The following PIK3C2A variants were observed in gnomAD, a reference collection of about 807,000 sequenced individuals.
PIK3C2A encodes phosphatidylinositol-4-phosphate 3-kinase catalytic subunit type 2 alpha.
PIK3C2A carries 97 observed loss-of-function variants against 204.5 expected under a neutral mutation model. The observed-to-expected ratio is 0.47, with a 90% confidence interval of 0.40 to 0.56. The LOEUF (loss-of-function observed/expected upper bound fraction) is 0.56, where lower values mean the gene tolerates loss of function less well. Among genes scored for constraint, PIK3C2A ranks in the 20% least tolerant of loss-of-function variants. The pLI, the probability that PIK3C2A is intolerant of heterozygous loss-of-function variation, is 0.00. For synonymous variants in PIK3C2A, 653 were observed against 664.4 expected, an observed-to-expected ratio of 0.98 and a Z score of 0.26; for missense variants, 1,735 against 1,969.2, an observed-to-expected ratio of 0.88 and a Z score of 2.25.
chr11:17,184,089 C>A (rs1851663823), intron 1 of PIK3C2A, among the ~76,000 whole-genome samples: 1 of 151,856 alleles, frequency 6.6e-6, no homozygotes, highest in Non-Finnish European at 1.5e-5. Flanking sequence ...GCCACTGTAC[C>A]TCTTGCCTGA....
At chr11:17,107,238 A>G (rs1031772194) in intron 22 of PIK3C2A, among the ~76,000 whole-genome samples, 9 of 152,166 alleles carry the variant, frequency 5.9e-5, no homozygotes, top group Non-Finnish European at 7.4e-5. Context: ...GCATGAACCC[A>G]GGAGGCGGAG....
Position 17,136,350 on chromosome 11 carries a change from C to G in PIK3C2A, c.1848+132G>C, listed in dbSNP as rs938783509. Reference sequence around the variant, plus strand: ...TTCTTACCAAGGAATCCCCACCTAACCAAGTAAGTGATTCAACCCAAAAGT... The same window carrying G: ...TTCTTACCAAGGAATCCCCACCTAAGCAAGTAAGTGATTCAACCCAAAAGT... On this transcript the variant is annotated intron_variant, in intron 9 of 32. Transcript: ENST00000691414. The G allele has an allele frequency of 4.8e-5, 33 of 687,028 alleles. No homozygotes were observed. The Admixed American group carries it at 9.8e-4, about 20-fold the overall frequency. 42.6% of individuals were successfully genotyped at this position (687,028 alleles called of 1,614,324 possible).
chr11:17,117,765 G>A, intron 18 of PIK3C2A, 94 bp from the exon 19 acceptor site: 2 of 682,768 alleles, frequency 2.9e-6, no homozygotes, highest in Admixed American at 2.9e-5. Flanking sequence ...CCAGGCTGGA[G>A]TGCAGTGGCG....
intron 1 of PIK3C2A, among the ~76,000 whole-genome samples, chr11:17,196,537 TGAGA>T (rs1852163109): frequency 6.6e-6 from 1 of 151,988 alleles, no homozygotes; most frequent in Non-Finnish European, 1.5e-5. Flanking sequence ...AACAGTAATG[TGAGA>T]GAGAATGATT....
At chr11:17,196,808 G>A (rs1280394962) in intron 1 of PIK3C2A, among the ~76,000 whole-genome samples, 1 of 152,022 alleles carries the variant, frequency 6.6e-6, no homozygotes, top group Admixed American at 6.6e-5. Flanking sequence ...CTGACCTCGT[G>A]ATCCGCCCAC....
intron 3 of PIK3C2A, among the ~76,000 whole-genome samples, chr11:17,152,059 T>C (rs1035382077): frequency 6.6e-6 from 1 of 152,150 alleles, no homozygotes; most frequent in African/African-American, 2.4e-5. Context: ...AAGAATTTAT[T>C]AGACAAAAAT....
rs1420301101 is a variant in PIK3C2A at position 17,114,389 on chromosome 11, C to T, written c.3293G>A (p.Ser1098Asn). ...KNKCRLPLKP[S>N]LVAKELNIKS... ...AATATTTAATTCTTTTGCCACTAGA[C>T]TTGGCTTGAGAGGGAGACGGCATTT... The change falls in exon 20 of 33, where the codon AGT becomes AAT. Residue 1098 changes from serine to asparagine, a missense_variant. Physicochemically the swap from Ser to Asn is conservative, Grantham distance 46. Transcript: ENST00000691414. 1 of 1,569,112 alleles carries T rather than the reference C, an allele frequency of 6.4e-7. No individual in the cohort carries two copies.
chr11:17,186,481 T>A (rs1851755183), intron 1 of PIK3C2A, among the ~76,000 whole-genome samples: 1 of 152,118 alleles, frequency 6.6e-6, no homozygotes. Context: ...AACAAATAGG[T>A]GAAATTAATA....
At chr11:17,112,507 T>C in intron 21 of PIK3C2A, 67 bp downstream of exon 21, 1 of 709,512 alleles carries the variant, frequency 1.4e-6, no homozygotes, top group Non-Finnish European at 2.4e-6. Context: ...CTTTGCAATT[T>C]TGGGAAAGTA....
intron 13 of PIK3C2A, among the ~76,000 whole-genome samples, chr11:17,124,136 G>A (rs1849446839): frequency 1.3e-5 from 2 of 152,038 alleles, no homozygotes; most frequent in South Asian, 4.1e-4. Flanking sequence ...TGAGCTGCTG[G>A]AATTACAGGT....
At chr11:17,100,722 T>G (rs1848601438) in intron 25 of PIK3C2A, among the ~76,000 whole-genome samples, 1 of 152,192 alleles carries the variant, frequency 6.6e-6, no homozygotes, top group South Asian at 2.1e-4. Flanking sequence ...ATTCTACTCT[T>G]TATGTCCATG....
chr11:17,143,125 C>T (rs551315092), intron 8 of PIK3C2A, among the ~76,000 whole-genome samples: 12 of 152,136 alleles, frequency 7.9e-5, no homozygotes, highest in African/African-American at 2.6e-4. Flanking sequence ...TAAACTCCAG[C>T]TTACCAGAGA....
intron 1 of PIK3C2A, chr11:17,193,459 G>A: frequency 2.5e-6 from 1 of 400,458 alleles, no homozygotes; most frequent in Admixed American, 2.9e-5. Flanking sequence ...GGTTCTAGGT[G>A]CTTCAGGAGC....
chr11:17,101,242 T>A (rs1023118646), intron 25 of PIK3C2A, 36 bp downstream of exon 25: 7 of 1,214,710 alleles, frequency 5.8e-6, no homozygotes, highest in Admixed American at 2.3e-5. Flanking sequence ...GATGCATTAA[T>A]ATAAAACTAA....
rs773642002 is a variant in PIK3C2A at position 17,145,725 on chromosome 11, A to T, written c.1647T>A (p.Pro549=). Residue 549 remains proline (P), a synonymous_variant, in exon 8 of 33, where the codon CCT becomes CCA. Coordinates refer to ENST00000691414, the MANE Select transcript of PIK3C2A (RefSeq NM_002645.4). ...GATAAGAATCTAAGAGTTCTTCAAC[A>T]GGGTGTCTGAAAGAAACAACAGTTA... is the stretch of plus-strand genomic sequence containing the variant. ...KPCKEAMTRH[P]VEELLDSYHN... 1.4e-5 allele frequency: 22 copies of T among 1,605,772 alleles called. No individual in the cohort carries two copies. The East Asian group carries it at 4.9e-4, about 36-fold the overall frequency.
chr11:17,096,131 C>T (rs1364332858), intron 27 of PIK3C2A, among the ~76,000 whole-genome samples: 3 of 151,584 alleles, frequency 2.0e-5, no homozygotes, highest in African/African-American at 4.8e-5. Flanking sequence ...CTCTGCCTCT[C>T]GGGTTCAAGC....
At chr11:17,143,641 A>C (rs576044515) in intron 8 of PIK3C2A, among the ~76,000 whole-genome samples, 18 of 152,178 alleles carry the variant, frequency 1.2e-4, no homozygotes, top group African/African-American at 4.3e-4. Flanking sequence ...AAAAAAACAA[A>C]AAAAAAAGGG....
intron 1 of PIK3C2A, among the ~76,000 whole-genome samples, chr11:17,174,041 G>T (rs776534279): frequency 1.3e-5 from 2 of 151,932 alleles, no homozygotes; most frequent in African/African-American, 4.8e-5. Context: ...GGCCAGGCTG[G>T]TCTTGAACTC....
intron 8 of PIK3C2A, 43 bp downstream of exon 8, chr11:17,145,625 A>G: frequency 8.7e-7 from 1 of 1,151,570 alleles, no homozygotes; most frequent in South Asian, 1.3e-5. Context: ...AGAAGCAGCA[A>G]GAATCTTTAA....
Sources: gnomAD v4.1 joint callset for allele counts (sites outside exome capture counted in the v4.1 genomes callset) on GRCh38, gnomAD v4.1.1 for gene constraint, MANE v1.5 for transcripts, NCBI Gene and HGNC (gene_info 2026-07-23, HGNC 2026-07-21) for gene names.